The following ACACA variants were observed in gnomAD, a reference collection of about 807,000 sequenced individuals.
ACACA encodes acetyl-CoA carboxylase alpha.
Under a neutral mutation model 296.1 loss-of-function variants are expected in ACACA, and 103 were observed. The ratio of observed to expected loss-of-function variants is 0.35; its 90% confidence interval spans 0.30 to 0.41. The LOEUF is 0.41. ACACA is among the 10% of genes least tolerant of loss of function. The pLI is 1.00. For synonymous variants in ACACA, 953 were observed against 1,038.6 expected, an observed-to-expected ratio of 0.92 and a Z score of 1.58; for missense variants, 1,554 against 2,989.7, an observed-to-expected ratio of 0.52 and a Z score of 11.20.
intron 1 of ACACA, among the ~76,000 whole-genome samples, chr17:37,376,688 C>T (rs922120443): frequency 6.6e-6 from 1 of 152,174 alleles, no homozygotes; most frequent in Admixed American, 6.6e-5. Flanking sequence ...GGCACGGTGG[C>T]TCATGACTGT....
chr17:37,296,968 C>T (rs573479324), intron 3 of ACACA, among the ~76,000 whole-genome samples: 8 of 151,442 alleles, frequency 5.3e-5, no homozygotes, highest in East Asian at 2.0e-4. Flanking sequence ...CTGCCCGCCT[C>T]GGCCTCCCAA....
At chr17:37,190,422 T>C (rs931574847) in intron 38 of ACACA, among the ~76,000 whole-genome samples, 15 of 151,420 alleles carry the variant, frequency 9.9e-5, no homozygotes, top group African/African-American at 3.6e-4. Flanking sequence ...AGCGAGACTC[T>C]GTCTCAACAA....
chr17:37,338,054 G>A (rs753328866), intron 2 of ACACA, among the ~76,000 whole-genome samples: 20 of 151,436 alleles, frequency 1.3e-4, no homozygotes, highest in Non-Finnish European at 2.4e-4. Context: ...CAGAGATCAC[G>A]CCACTGCACT....
At chr17:37,093,601 G>A (rs927486581) in intron 54 of ACACA, among the ~76,000 whole-genome samples, 2 of 152,098 alleles carry the variant, frequency 1.3e-5, no homozygotes, top group Non-Finnish European at 2.9e-5. Flanking sequence ...TGGCCCAAGC[G>A]ATGCTCCTGC....
intron 45 of ACACA, among the ~76,000 whole-genome samples, chr17:37,132,117 C>T (rs536271701): frequency 1.7e-4 from 26 of 152,318 alleles, no homozygotes; most frequent in East Asian, 1.5e-3. Flanking sequence ...ACCTCCGCCA[C>T]GGCCAGTTTA....
intron 3 of ACACA, among the ~76,000 whole-genome samples, chr17:37,291,143 TACAC>T (rs71159701): frequency 2.7e-4 from 37 of 136,936 alleles, no homozygotes; most frequent in Non-Finnish European, 3.4e-4. Context: ...GAAAAACACA[TACAC>T]ACACACACAC....
chr17:37,242,107 A>G, intron 22 of ACACA, 54 bp from the exon 23 acceptor site: 1 of 1,352,206 alleles, frequency 7.4e-7, no homozygotes, highest in Non-Finnish European at 1.1e-6. Context: ...AATGCCCCAA[A>G]GCATCAGCCT....
In ACACA at chr17:37,085,552, G is replaced by T; in HGVS notation, c.*1764C>A. 1 of 398,552 alleles carries T rather than the reference G, an allele frequency of 2.5e-6. No homozygotes were observed. The highest frequency in any genetic ancestry group is 1.3e-4 in the South Asian group (1 of 7,756). 24.7% of individuals were successfully genotyped at this position (398,552 alleles called of 1,614,324 possible). On this transcript the variant is annotated 3_prime_UTR_variant, in exon 56 of 56. Coordinates refer to ENST00000616317, the MANE Select transcript of ACACA (RefSeq NM_198834.3). ...ACTAGGTAAGCAAATAGCCAGCAATGGTCAATGCATTTTCCTGGACTGAGA... is the reference window on the plus strand; with the variant it reads ...ACTAGGTAAGCAAATAGCCAGCAATTGTCAATGCATTTTCCTGGACTGAGA...
At chr17:37,100,646 A>AT (rs2073307639) in intron 52 of ACACA, among the ~76,000 whole-genome samples, 1 of 152,146 alleles carries the variant, frequency 6.6e-6, no homozygotes, top group Non-Finnish European at 1.5e-5. Context: ...AAAAAAAAAA[A>AT]ACTAAAAAGG....
At chr17:37,136,260 C>T (rs1395141577) in intron 45 of ACACA, among the ~76,000 whole-genome samples, 2 of 151,992 alleles carry the variant, frequency 1.3e-5, no homozygotes, top group Non-Finnish European at 2.9e-5. Context: ...TCTTTTTGTT[C>T]CAGTAGTTTT....
chr17:37,362,665 C>G (rs971159195), intron 1 of ACACA, among the ~76,000 whole-genome samples: 2 of 152,178 alleles, frequency 1.3e-5, no homozygotes, highest in African/African-American at 4.8e-5. Flanking sequence ...CCACTAACCA[C>G]CTGATGAAAC....
chr17:37,353,278 C>G (rs2048986689), intron 1 of ACACA, among the ~76,000 whole-genome samples: 1 of 152,100 alleles, frequency 6.6e-6, no homozygotes, highest in Non-Finnish European at 1.5e-5. Context: ...TATCAACCTA[C>G]TATTCCAAAT....
chr17:37,139,610 C>T (rs2075477399), intron 45 of ACACA, among the ~76,000 whole-genome samples: 1 of 152,178 alleles, frequency 6.6e-6, no homozygotes. Flanking sequence ...AAGAAATATC[C>T]TCCAACCTTA....
At position 37,185,402 on chromosome 17, in the gene ACACA, C is replaced by CTTTTTTTTTT. The variant is rs67821579; in HGVS notation, c.4776+2865_4776+2874dup. 7.8e-4 allele frequency among the ~76,000 whole-genome samples: 38 copies of CTTTTTTTTTT among 48,438 alleles called. 8 individuals carry two copies. The highest frequency in any genetic ancestry group is 3.3e-3 in the African/African-American group (36 of 10,846). 31.8% of individuals were successfully genotyped at this position (48,438 alleles called of 152,430 possible). The stretch of plus-strand genomic sequence containing the variant: ...TGCATGACACCATGCCTGGCTATTT[C>CTTTTTTTTTT]TTTTTTTTTTTTTTTTTTTTTTTTT... On this transcript the variant is annotated intron_variant, in intron 39 of 55. Coordinates refer to ENST00000616317, the MANE Select transcript of ACACA (RefSeq NM_198834.3).
intron 48 of ACACA, among the ~76,000 whole-genome samples, chr17:37,124,710 A>T (rs1177051298): frequency 6.6e-6 from 1 of 152,202 alleles, no homozygotes; most frequent in African/African-American, 2.4e-5. Context: ...AGGCTCTGGG[A>T]CATTCAGTCT....
intron 35 of ACACA, among the ~76,000 whole-genome samples, chr17:37,194,924 T>G (rs1441757750): frequency 2.0e-5 from 3 of 151,806 alleles, no homozygotes; most frequent in Non-Finnish European, 2.9e-5. Flanking sequence ...TTCTAAATAA[T>G]TCTCTGACAC....
intron 54 of ACACA, among the ~76,000 whole-genome samples, chr17:37,094,654 C>G (rs913995556): frequency 6.7e-6 from 1 of 150,236 alleles, no homozygotes; most frequent in Non-Finnish European, 1.5e-5. Context: ...AACACTGCAA[C>G]CCTTTCTTCT....
At chr17:37,231,403 G>C (rs1437125681) in intron 25 of ACACA, among the ~76,000 whole-genome samples, 1 of 152,154 alleles carries the variant, frequency 6.6e-6, no homozygotes, top group Non-Finnish European at 1.5e-5. Context: ...CAATGAACTG[G>C]TAGCTTCTTC....
chr17:37,244,860 T>C (rs968282502), intron 20 of ACACA, 126 bp from the exon 21 acceptor site: 146 of 1,415,936 alleles, frequency 1.0e-4, no homozygotes, highest in East Asian at 9.6e-4. Context: ...GGGAAGTCAA[T>C]AGAGGAAACA....
Sources: gnomAD v4.1 joint callset for allele counts (sites outside exome capture counted in the v4.1 genomes callset) on GRCh38, gnomAD v4.1.1 for gene constraint, MANE v1.5 for transcripts, NCBI Gene and HGNC (gene_info 2026-07-23, HGNC 2026-07-21) for gene names.